The following ITGBL1 variants were observed in gnomAD, a reference collection of about 807,000 sequenced individuals.
ITGBL1 encodes integrin subunit beta like 1.
ITGBL1 carries 51 observed loss-of-function variants against 68.5 expected under a neutral mutation model. The observed-to-expected ratio is 0.74, with a 90% CI of 0.59 to 0.94. The LOEUF is 0.94. Ranked by LOEUF, ITGBL1 falls within the 40% of genes least tolerant of loss-of-function variation. The probability of loss-of-function intolerance (pLI) is 0.00; values close to 1 mark genes in which losing one functional copy is unlikely to be tolerated. For synonymous variants in ITGBL1, 209 were observed against 227.3 expected, an observed-to-expected ratio of 0.92 and a Z score of 0.72; for missense variants, 649 against 647.4, an observed-to-expected ratio of 1.00 and a Z score of -0.03.
chr13:101,618,890 T>G (rs2139382680), intron 7 of ITGBL1, among the ~76,000 whole-genome samples: 1 of 152,124 alleles, frequency 6.6e-6, no homozygotes, highest in East Asian at 1.9e-4. Flanking sequence ...TCAGATTGAC[T>G]TTGCTTGGAT....
At chr13:101,673,591 A>G (rs1187321664) in intron 7 of ITGBL1, among the ~76,000 whole-genome samples, 1 of 152,216 alleles carries the variant, frequency 6.6e-6, no homozygotes, top group Non-Finnish European at 1.5e-5. Flanking sequence ...CATTTGGCTG[A>G]TTCAGTCAGT....
At chr13:101,603,931 G>T (rs948039936) in intron 7 of ITGBL1, among the ~76,000 whole-genome samples, 1 of 151,690 alleles carries the variant, frequency 6.6e-6, no homozygotes, top group Non-Finnish European at 1.5e-5. Context: ...TTATTTAAAG[G>T]GTTTACATTT....
chr13:101,617,057 G>A (rs903042939), intron 7 of ITGBL1, among the ~76,000 whole-genome samples: 2 of 152,086 alleles, frequency 1.3e-5, no homozygotes, highest in African/African-American at 4.8e-5. Context: ...AACAAAGGTG[G>A]CAGTGATTTA....
intron 7 of ITGBL1, among the ~76,000 whole-genome samples, chr13:101,655,799 A>C (rs1351561108): frequency 6.6e-6 from 1 of 152,240 alleles, no homozygotes; most frequent in African/African-American, 2.4e-5. Flanking sequence ...GATAATTGGC[A>C]ATGCCCAAAG....
chr13:101,529,820 T>C (rs2049442159), intron 2 of ITGBL1, among the ~76,000 whole-genome samples: 2 of 152,170 alleles, frequency 1.3e-5, no homozygotes, highest in Admixed American at 6.5e-5. Flanking sequence ...CTGAAGTCCC[T>C]GCAGCCAAGT....
chr13:101,609,093 A>G (rs1040006271), intron 7 of ITGBL1, among the ~76,000 whole-genome samples: 17 of 152,116 alleles, frequency 1.1e-4, no homozygotes, highest in African/African-American at 4.1e-4. Context: ...ACCATGCAAT[A>G]GCCCATAATA....
intron 7 of ITGBL1, among the ~76,000 whole-genome samples, chr13:101,671,605 A>AT (rs1187415325): frequency 6.0e-5 from 9 of 150,122 alleles, no homozygotes; most frequent in Admixed American, 2.0e-4. Context: ...CGCCCGGCTA[A>AT]TTTTTTGTAT....
chr13:101,634,528 A>T (rs2032100964), intron 7 of ITGBL1, among the ~76,000 whole-genome samples: 1 of 152,166 alleles, frequency 6.6e-6, no homozygotes, highest in South Asian at 2.1e-4. Flanking sequence ...GATGGGAAAG[A>T]TTTCAATAAA....
At chr13:101,465,002 A>C (rs2048364643) in intron 2 of ITGBL1, among the ~76,000 whole-genome samples, 1 of 152,196 alleles carries the variant, frequency 6.6e-6, no homozygotes, top group African/African-American at 2.4e-5. Context: ...TTATCTGTTT[A>C]ATGAATGCCA....
chr13:101,681,189 C>G (rs1327163156), intron 7 of ITGBL1, among the ~76,000 whole-genome samples: 1 of 152,060 alleles, frequency 6.6e-6, no homozygotes, highest in Non-Finnish European at 1.5e-5. Flanking sequence ...TGTGTGTTCT[C>G]TATGTGGGGT....
intron 2 of ITGBL1, among the ~76,000 whole-genome samples, chr13:101,460,409 A>T (rs2048302342): frequency 6.6e-6 from 1 of 152,186 alleles, no homozygotes; most frequent in Non-Finnish European, 1.5e-5. Context: ...CACCCACTGC[A>T]TGTAAGCCAT....
intron 2 of ITGBL1, among the ~76,000 whole-genome samples, chr13:101,550,890 G>A (rs369370869): frequency 3.9e-5 from 6 of 152,224 alleles, no homozygotes; most frequent in Admixed American, 3.3e-4. Flanking sequence ...ATAGAACAAA[G>A]CTTAATAAAA....
chr13:101,689,554 G>A (rs1027179761), intron 7 of ITGBL1, among the ~76,000 whole-genome samples: 34 of 151,702 alleles, frequency 2.2e-4, no homozygotes, highest in Admixed American at 6.6e-5. Context: ...GCAGTGAGCC[G>A]AGATCATGCC....
At position 101,658,584 on chromosome 13, in the gene ITGBL1, CTT is replaced by C. The variant is rs2032996329; in HGVS notation, c.1016-34000_1016-33999del. Among the ~76,000 whole-genome samples, 4 of 152,076 alleles carry C rather than the reference CTT, an allele frequency of 2.6e-5. No homozygotes were observed. In the South Asian group the frequency reaches 8.3e-4, roughly 32 times the overall value. ...TGTATGCATGTATATGCATATGTGT[CTT>C]ATATACTTATATTAAAATTTTGAAC... On this transcript the variant is annotated intron_variant, in intron 7 of 10. Coordinates refer to ENST00000376180, the MANE Select transcript of ITGBL1 (RefSeq NM_004791.3).
intron 2 of ITGBL1, among the ~76,000 whole-genome samples, chr13:101,534,740 T>C (rs964523828): frequency 6.6e-6 from 1 of 151,892 alleles, no homozygotes. Context: ...TGTTGGAGGG[T>C]TTTTTAAGGC....
In ITGBL1 at chr13:101,624,849, C is replaced by T. The variant is rs953892042; in HGVS notation, c.1015+26550C>T. ...TCATGACGTGGCTAACATTTACCTT[C>T]ATTTTCGTAGGGGGTGGAGAAAGGT... On this transcript the variant is annotated intron_variant, in intron 7 of 10. Coordinates refer to ENST00000376180, the MANE Select transcript of ITGBL1 (RefSeq NM_004791.3). 2.6e-5 allele frequency among the ~76,000 whole-genome samples: 4 copies of T among 152,162 alleles called. No homozygotes were observed. In the East Asian group the frequency reaches 7.7e-4, roughly 29 times the overall value.
At chr13:101,671,784 C>T (rs948414620) in intron 7 of ITGBL1, among the ~76,000 whole-genome samples, 9 of 152,050 alleles carry the variant, frequency 5.9e-5, no homozygotes, top group Non-Finnish European at 1.2e-4. Context: ...ACTTTTTATC[C>T]CTATTTGATC....
chr13:101,677,911 G>A (rs548173435), intron 7 of ITGBL1, among the ~76,000 whole-genome samples: 2 of 152,058 alleles, frequency 1.3e-5, no homozygotes, highest in African/African-American at 2.4e-5. Flanking sequence ...CTTACATCCC[G>A]AATATGATGC....
At chr13:101,455,234 A>G (rs9513905) in intron 2 of ITGBL1, among the ~76,000 whole-genome samples, 93,665 of 151,752 alleles carry the variant, frequency 0.62, 30,339 homozygotes, top group Non-Finnish European at 0.73. Flanking sequence ...TTTTCTCGGA[A>G]CCTGGGCCCA....
Sources: gnomAD v4.1 joint callset for allele counts (sites outside exome capture counted in the v4.1 genomes callset) on GRCh38, gnomAD v4.1.1 for gene constraint, MANE v1.5 for transcripts, NCBI Gene and HGNC (gene_info 2026-07-23, HGNC 2026-07-21) for gene names.